The following TTC21A variants were observed in gnomAD, a reference collection of about 807,000 sequenced individuals.
TTC21A encodes the protein tetratricopeptide repeat protein 21A.
In TTC21A, 128 loss-of-function variants were observed where a neutral mutation model predicts 156.4. The observed-to-expected ratio is 0.82, with a 90% CI of 0.71 to 0.95. TTC21A has a LOEUF of 0.95. Ranked by LOEUF, TTC21A falls within the 40% of genes least tolerant of loss-of-function variation. The probability of loss-of-function intolerance (pLI) is 0.00; values close to 1 mark genes in which losing one functional copy is unlikely to be tolerated. For missense variants in TTC21A, 1,435 were observed against 1,602.3 expected, an observed-to-expected ratio of 0.90 and a Z score of 1.78; for synonymous variants, 587 against 617.1, an observed-to-expected ratio of 0.95 and a Z score of 0.72.
intron 9 of TTC21A, among the ~76,000 whole-genome samples, chr3:39,124,116 T>A (rs1315757053): frequency 6.6e-6 from 1 of 152,252 alleles, no homozygotes; most frequent in African/African-American, 2.4e-5. Context: ...TAAATATATG[T>A]GCTCTATGAC....
At position 39,114,641 on chromosome 3, in the gene TTC21A, G is replaced by T; in HGVS notation, c.615G>T (p.Gln205His). The T allele has an allele frequency of 6.2e-7, 1 of 1,614,216 alleles. No individual in the cohort carries two copies. The highest frequency in any genetic ancestry group is 8.5e-7 in the Non-Finnish European group (1 of 1,180,024). Residue 205 changes from glutamine (Q) to histidine (H), a missense_variant, in exon 6 of 29, where the codon CAG becomes CAT. Coordinates refer to ENST00000683103, the MANE Select transcript of TTC21A (RefSeq NM_001366900.1). Reference protein sequence around the residue: ...NYSEALEVVNQITVTSGSFLP... With the variant: ...NYSEALEVVNHITVTSGSFLP... Reference sequence around the variant, plus strand: ...CAGAGGCCCTGGAGGTGGTGAACCAGATCACTGTGACTTCAGGGAGCTTCC... The same window carrying T: ...CAGAGGCCCTGGAGGTGGTGAACCATATCACTGTGACTTCAGGGAGCTTCC...
At chr3:39,122,350 C>T (rs1222266518) in intron 9 of TTC21A, among the ~76,000 whole-genome samples, 1 of 151,180 alleles carries the variant, frequency 6.6e-6, no homozygotes. Flanking sequence ...TACATAGCAG[C>T]GTGGACCAGA....
intron 26 of TTC21A, 183 bp from the exon 27 acceptor site, chr3:39,138,061 CGCCAGTGTCTGGGGTAGCTGAGA>C: frequency 1.5e-6 from 1 of 677,812 alleles, no homozygotes. Context: ...AAAGGGGTTA[CGCCAGTGTCTGGGGTAGCTGAGA>C]GGAGGGCACA....
Position 39,110,035 on chromosome 3 carries a change from TC to T in TTC21A, c.166del (p.Gln56ArgfsTer46). ...ATGTGGACTGTCTTTGCAGAGCACA[TC>T]CAGGATGCCATCAGTGACCTGGAAA... Reference protein sequence around the residue: ...KAYGVLKEEHIQDAISDLESI... With the variant: ...KAYGVLKEEHXQDAISDLESI... On this transcript the variant is annotated frameshift_variant, in exon 3 of 29. Transcript: ENST00000683103. LOFTEE classifies it high-confidence loss of function. The T allele has an allele frequency of 1.9e-6, 3 of 1,613,390 alleles. No individual in the cohort carries two copies. Among genetic ancestry groups the T allele is most frequent in the Non-Finnish European group, 2.5e-6 (3 of 1,179,502 alleles).
chr3:39,122,337 G>T (rs1436687288), intron 9 of TTC21A, among the ~76,000 whole-genome samples: 2 of 143,852 alleles, frequency 1.4e-5, no homozygotes, highest in Non-Finnish European at 3.1e-5. Context: ...AAAAAAAAAA[G>T]AGTACATAGC....
intron 5 of TTC21A, among the ~76,000 whole-genome samples, chr3:39,113,140 T>G (rs2036976006): frequency 6.6e-6 from 1 of 152,128 alleles, no homozygotes; most frequent in African/African-American, 2.4e-5. Flanking sequence ...CATACTTATT[T>G]AAGAAAACAG....
chr3:39,130,151 GGTAA>G lies in TTC21A; in HGVS notation c.2208+3_2208+6del, dbSNP rs1453433167. On this transcript the variant is annotated splice_donor_variant and splice_donor_region_variant and intron_variant, in intron 16 of 28. Coordinates refer to ENST00000683103, the MANE Select transcript of TTC21A (RefSeq NM_001366900.1). LOFTEE classifies it high-confidence loss of function. This position sits in a 1 kb window ranked among gnomAD's most constrained non-coding sequence, Gnocchi z 4.5. ...GCGATGCCTTAATGAGCATTCTGGAGGTAAGTGAGAGGCCTCACAGCCTTGCCAA... is the reference window on the plus strand; with the variant it reads ...GCGATGCCTTAATGAGCATTCTGGAGGTGAGAGGCCTCACAGCCTTGCCAA... The G allele has an allele frequency of 1.2e-6, 2 of 1,613,900 alleles. No homozygotes were observed. Among genetic ancestry groups the G allele is most frequent in the Non-Finnish European group, 1.7e-6 (2 of 1,179,920 alleles).
intron 9 of TTC21A, 71 bp from the exon 10 acceptor site, chr3:39,124,992 C>T (rs569089252): frequency 2.1e-6 from 2 of 968,672 alleles, no homozygotes; most frequent in Admixed American, 3.4e-5. Context: ...CTTATCCATG[C>T]CCCTTGACCT....
chr3:39,136,168 T>A, intron 22 of TTC21A, 189 bp from the exon 23 acceptor site: 1 of 557,752 alleles, frequency 1.8e-6, no homozygotes. Flanking sequence ...CTGCTATTCT[T>A]TACTATTTTT....
chr3:39,110,969 CAA>C lies in TTC21A; in HGVS notation c.389_390del (p.Lys130ArgfsTer4), dbSNP rs751704985. On this transcript the variant is annotated frameshift_variant, in exon 4 of 29. Transcript: ENST00000683103. LOFTEE classifies it high-confidence loss of function. ...GGCTCATAGGCCGCCATGACAAGGCCAAAGAGTACATTGACCGCATGCTGAAG... is the reference window on the plus strand; with the variant it reads ...GGCTCATAGGCCGCCATGACAAGGCCAGAGTACATTGACCGCATGCTGAAG... ...LWLIGRHDKA[K>X]EYIDRMLKIS... The C allele has an allele frequency of 1.9e-6, 3 of 1,613,866 alleles. No homozygotes were observed. The highest frequency in any genetic ancestry group is 2.5e-6 in the Non-Finnish European group (3 of 1,179,906).
intron 3 of TTC21A, 25 bp downstream of exon 3, chr3:39,110,164 G>A (rs747642508): frequency 1.9e-6 from 3 of 1,570,026 alleles, no homozygotes; most frequent in African/African-American, 1.3e-5. Flanking sequence ...GCTCAACCAG[G>A]CCTGACCCAC....
intron 12 of TTC21A, 66 bp from the exon 13 acceptor site, chr3:39,128,265 C>T: frequency 6.5e-7 from 1 of 1,526,794 alleles, no homozygotes; most frequent in Non-Finnish European, 9.0e-7. Flanking sequence ...TTCATTCTGC[C>T]CTTGCATATC....
At chr3:39,117,461 A>G (rs993854247) in intron 6 of TTC21A, among the ~76,000 whole-genome samples, 9 of 152,232 alleles carry the variant, frequency 5.9e-5, no homozygotes, top group African/African-American at 2.2e-4. Context: ...TAGCTTCACA[A>G]TAGTACAAAA....
chr3:39,126,494 A>G, intron 12 of TTC21A, 104 bp downstream of exon 12: 2 of 955,110 alleles, frequency 2.1e-6, no homozygotes, highest in South Asian at 1.5e-5. Flanking sequence ...ACACACACAC[A>G]CACACACACA....
At chr3:39,117,555 C>T (rs980311825) in intron 6 of TTC21A, among the ~76,000 whole-genome samples, 1 of 152,216 alleles carries the variant, frequency 6.6e-6, no homozygotes, top group Non-Finnish European at 1.5e-5. Context: ...GCACCATGGT[C>T]ATGTCTGGTT....
At chr3:39,113,431 G>A (rs549675468) in intron 5 of TTC21A, among the ~76,000 whole-genome samples, 52 of 152,316 alleles carry the variant, frequency 3.4e-4, no homozygotes, top group African/African-American at 1.2e-3. Flanking sequence ...CTCTGGAGCC[G>A]GGATGCCCCT....
In TTC21A at chr3:39,129,259, A is replaced by G. The variant is rs747201199; in HGVS notation, c.2084A>G (p.Asn695Ser). The change falls in exon 15 of 29, where the codon AAC (asparagine) becomes AGC (serine). Residue 695 changes from asparagine (N) to serine (S), a missense_variant. Coordinates refer to ENST00000683103, the MANE Select transcript of TTC21A (RefSeq NM_001366900.1). The part of the protein sequence containing the change: ...CYMEAREKMA[N>S]IYLQTLRDRR... ...ATGGAAGCCAGAGAGAAGATGGCCAACATCTACCTGCAGACCCTCAGAGAC... is the reference window on the plus strand; with the variant it reads ...ATGGAAGCCAGAGAGAAGATGGCCAGCATCTACCTGCAGACCCTCAGAGAC... The G allele has an allele frequency of 1.2e-5, 19 of 1,614,118 alleles. No individual in the cohort carries two copies. The highest frequency in any genetic ancestry group is 1.7e-5 in the Admixed American group (1 of 60,002).
In TTC21A at chr3:39,133,060, C is replaced by A; in HGVS notation, c.2571C>A (p.Asp857Glu). 2 of 1,614,178 alleles carry A rather than the reference C, an allele frequency of 1.2e-6. No individual in the cohort carries two copies. The highest frequency in any genetic ancestry group is 1.7e-6 in the Non-Finnish European group (2 of 1,180,036). The change falls in exon 20 of 29, where the codon GAC becomes GAA. Residue 857 changes from aspartate (D) to glutamate (E), a missense_variant. Asp to Glu is a conservative substitution (Grantham distance 45). Coordinates refer to ENST00000683103, the MANE Select transcript of TTC21A (RefSeq NM_001366900.1). ...AVIETLNKAL[D>E]LQSRILKRVP... ...TTGATTGGTTTCTCGAGGCCTTGGA[C>A]CTCCAGTCTCGGATACTGAAGCGAG...
chr3:39,115,981 G>T (rs1409204900), intron 6 of TTC21A, among the ~76,000 whole-genome samples: 1 of 152,268 alleles, frequency 6.6e-6, no homozygotes, highest in Non-Finnish European at 1.5e-5. Context: ...CACATGTAAT[G>T]CCTGTGTGGA....
Sources: allele counts gnomAD v4.1 joint callset (sites outside exome capture counted in the v4.1 genomes callset), GRCh38; gene constraint gnomAD v4.1.1; non-coding constraint Gnocchi (gnomAD v3.1); transcripts MANE v1.5; gene names NCBI Gene and HGNC (gene_info 2026-07-23, HGNC 2026-07-21).